Variants in HADHA observed in about 807,000 individuals in gnomAD.
The protein encoded by HADHA is hydroxyacyl-CoA dehydrogenase trifunctional multienzyme complex subunit alpha.
HADHA carries 59 observed loss-of-function variants against 91.3 expected under a neutral mutation model. The ratio of observed to expected loss-of-function variants is 0.65; its 90% CI spans 0.52 to 0.80. The LOEUF (loss-of-function observed/expected upper bound fraction) is 0.80, where lower values mean the gene tolerates loss of function less well. Ranked by LOEUF, HADHA falls within the 30% of genes least tolerant of loss-of-function variation. The pLI is 0.00. For synonymous variants in HADHA, 320 were observed against 338.9 expected (o/e 0.94, Z 0.61); for missense variants, 800 against 927.6 (o/e 0.86, Z 1.79).
chr2:26,232,561 T>C (rs551799867), intron 5 of HADHA, among the ~76,000 whole-genome samples: 1 of 152,312 alleles, frequency 6.6e-6, no homozygotes, highest in African/African-American at 2.4e-5. Flanking sequence ...CAATTTTATA[T>C]GGACCCCAGG....
intron 6 of HADHA, among the ~76,000 whole-genome samples, chr2:26,230,907 G>A (rs1202966169): frequency 6.6e-6 from 1 of 152,012 alleles, no homozygotes; most frequent in Non-Finnish European, 1.5e-5. Flanking sequence ...AACAACAAAA[G>A]TGACTCTGTC....
intron 7 of HADHA, among the ~76,000 whole-genome samples, chr2:26,217,578 G>A (rs1670270275): frequency 6.6e-6 from 1 of 152,100 alleles, no homozygotes; most frequent in South Asian, 2.1e-4. Context: ...CAGAGGAAGG[G>A]AAAGGCACAT....
chr2:26,206,646 A>G (rs956456439), intron 11 of HADHA, among the ~76,000 whole-genome samples: 2 of 152,232 alleles, frequency 1.3e-5, no homozygotes, highest in Non-Finnish European at 2.9e-5. Flanking sequence ...CAAGAACTGC[A>G]TACTGTATAA....
Position 26,238,937 on chromosome 2 carries a change from T to G in HADHA, c.177A>C (p.Ser59=), listed in dbSNP as rs1574627624. The G allele has an allele frequency of 3.1e-6, 5 of 1,592,940 alleles. No individual in the cohort carries two copies. Among genetic ancestry groups the G allele is most frequent in the Non-Finnish European group, 4.3e-6 (5 of 1,162,122 alleles). Residue 59 remains serine (S), a synonymous_variant, in exon 3 of 20, where the codon TCA becomes TCC. Transcript: ENST00000380649. ...AACTGCAAATTAAATGAGATACCTT[T>G]GAATTGGGAGAGTTAATTCGAACAA... is the stretch of plus-strand genomic sequence containing the variant. The part of the protein sequence containing the change: ...VAVVRINSPN[S]KVNTLSKELH...
At chr2:26,197,850 G>T in intron 13 of HADHA, 73 bp from the exon 14 acceptor site, 2 of 806,922 alleles carry the variant, frequency 2.5e-6, no homozygotes. Context: ...CAAAGCTAAT[G>T]AGTGACACCT....
rs753121857 is a variant in HADHA, at chr2:26,195,230, C to A, written c.1482G>T (p.Val494=). 1.9e-6 allele frequency: 3 copies of A among 1,612,800 alleles called. No homozygotes were observed. The highest frequency in any genetic ancestry group is 1.7e-5 in the Admixed American group (1 of 60,000). The change falls in exon 15 of 20, where the codon GTG becomes GTT. Residue 494 remains valine, a splice_region_variant and synonymous_variant. Coordinates refer to ENST00000380649, the MANE Select transcript of HADHA (RefSeq NM_000182.5). ...CGGGAGAGAAGTAGTGCATGCCAAT[C>A]ACCTGGCAAGGGGAACCAAAAGCCA... ...IAAVSKRPEK[V]IGMHYFSPVD... is the part of the protein sequence containing the mutation.
rs753001959 is a variant in HADHA, at chr2:26,209,785, A to C, written c.1080T>G (p.Asp360Glu). 1.7e-5 allele frequency: 26 copies of C among 1,495,116 alleles called. No homozygotes were observed. In the South Asian group the frequency reaches 2.9e-4, roughly 17 times the overall value. 92.6% of individuals were successfully genotyped at this position (1,495,116 alleles called of 1,614,324 possible). Residue 360 changes from aspartate (D) to glutamate (E), a missense_variant, in exon 11 of 20, where the codon GAT (aspartate) becomes GAG (glutamate). Physicochemically the swap from Asp to Glu is conservative, Grantham distance 45. Coordinates refer to ENST00000380649, the MANE Select transcript of HADHA (RefSeq NM_000182.5). ...CTACGTAGAGTTTAACTTACTTAAC[A>C]TCCTTCTGTGGAGCTCCAAATTTAT... ...KKNKFGAPQKDVKHLAILGAG... is the reference protein window; with the variant it reads ...KKNKFGAPQKEVKHLAILGAG...
At chr2:26,207,773 AT>A (rs928002268) in intron 11 of HADHA, among the ~76,000 whole-genome samples, 12 of 152,116 alleles carry the variant, frequency 7.9e-5, no homozygotes, top group African/African-American at 9.6e-5. Context: ...GTAGCTCAGT[AT>A]TTTTTTTCAT....
intron 7 of HADHA, among the ~76,000 whole-genome samples, chr2:26,220,608 C>T (rs775066581): frequency 1.1e-4 from 16 of 152,204 alleles, no homozygotes; most frequent in African/African-American, 3.9e-4. Flanking sequence ...TTCCAGATGT[C>T]GTTTTATTGC....
At chr2:26,196,321 T>C (rs182128966) in intron 14 of HADHA, among the ~76,000 whole-genome samples, 82 of 152,322 alleles carry the variant, frequency 5.4e-4, no homozygotes, top group African/African-American at 1.9e-3. Flanking sequence ...CCTAAAGTGT[T>C]CTTTTACTTA....
intron 12 of HADHA, among the ~76,000 whole-genome samples, chr2:26,201,899 A>G (rs1169852986): frequency 6.6e-6 from 1 of 151,674 alleles, no homozygotes; most frequent in East Asian, 1.9e-4. Flanking sequence ...GGGTTCAAGC[A>G]ATTCTCTGCC....
At chr2:26,194,993 G>A in intron 15 of HADHA, 99 bp downstream of exon 15, 1 of 1,028,048 alleles carries the variant, frequency 9.7e-7, no homozygotes, top group South Asian at 1.3e-5. Flanking sequence ...ATCAAAGTCT[G>A]GTCATTTGCC....
At chr2:26,225,253 G>T (rs936912748) in intron 7 of HADHA, among the ~76,000 whole-genome samples, 1 of 152,102 alleles carries the variant, frequency 6.6e-6, no homozygotes, top group Non-Finnish European at 1.5e-5. Flanking sequence ...GGGAGGCTGA[G>T]GCAGGTAGGT....
At chr2:26,191,666 A>G (rs750040371) in intron 18 of HADHA, 38 bp from the exon 19 acceptor site, 6 of 1,610,106 alleles carry the variant, frequency 3.7e-6, no homozygotes, top group Non-Finnish European at 4.2e-6. Flanking sequence ...GAAGAAGAGG[A>G]AAAGGGGAGG....
intron 13 of HADHA, among the ~76,000 whole-genome samples, chr2:26,198,370 T>G (rs549157540): frequency 8.7e-4 from 5 of 5,726 alleles, no homozygotes; most frequent in Admixed American, 8.1e-3. Flanking sequence ...CTTATTCATG[T>G]TTTTTTTTTG....
Position 26,240,490 on chromosome 2 carries a change from G to A in HADHA, c.68-1347C>T, listed in dbSNP as rs114342899. On this transcript the variant is annotated intron_variant, in intron 1 of 19. Coordinates refer to ENST00000380649, the MANE Select transcript of HADHA (RefSeq NM_000182.5). ...AATTCCAGTGGGAAGGGAAGAAGGGGATAGGTAATTCTAGCAAAACAGGGT... is the reference window on the plus strand; with the variant it reads ...AATTCCAGTGGGAAGGGAAGAAGGGAATAGGTAATTCTAGCAAAACAGGGT... Among the ~76,000 whole-genome samples, 523 of 152,236 alleles carry A rather than the reference G, an allele frequency of 3.4e-3. 2 individuals carry two copies. The highest frequency in any genetic ancestry group is 5.7e-3 in the Non-Finnish European group (391 of 68,012).
chr2:26,232,252 C>T lies in HADHA; in HGVS notation c.481G>A (p.Ala161Thr), dbSNP rs2147781253. Residue 161 changes from alanine to threonine, a missense_variant, in exon 6 of 20, where the codon GCA (alanine) becomes ACA (threonine). By Grantham distance (58) the Ala-to-Thr change is moderately conservative. Transcript: ENST00000380649. The stretch of plus-strand genomic sequence containing the variant: ...AATACTGTTTTTCTGTCTTTTGTTG[C>T]TATTCTGTATTGGCATGAAATGGCA... ...EVAISCQYRI[A>T]TKDRKTVLGT... 1.2e-6 allele frequency: 2 copies of T among 1,602,434 alleles called. No homozygotes were observed. Among genetic ancestry groups the T allele is most frequent in the East Asian group, 2.2e-5 (1 of 44,806 alleles).
In HADHA at chr2:26,214,949, G is replaced by T; in HGVS notation, c.799+104C>A. 9.5e-7 allele frequency: 1 copy of T among 1,055,452 alleles called. No homozygotes were observed. Among genetic ancestry groups the T allele is most frequent in the Non-Finnish European group, 1.5e-6 (1 of 677,436 alleles). The allele number at this position is 1,055,452 out of a possible 1,614,324, so 65.4% of individuals were successfully genotyped here. On this transcript the variant is annotated intron_variant, in intron 8 of 19. Coordinates refer to ENST00000380649, the MANE Select transcript of HADHA (RefSeq NM_000182.5). This position sits in a 1 kb window ranked among gnomAD's most constrained non-coding sequence, Gnocchi z 4.1. ...CTACCTAAGGCTGACTTTATGCTTT[G>T]AGTAAATAATGCATTTACCACTTCC... is the stretch of plus-strand genomic sequence containing the variant.
chr2:26,222,522 T>C (rs1670397608), intron 7 of HADHA, among the ~76,000 whole-genome samples: 1 of 152,174 alleles, frequency 6.6e-6, no homozygotes, highest in African/African-American at 2.4e-5. Context: ...GGATGACTCG[T>C]TCTATGGATA....
Sources: gnomAD v4.1 joint callset for allele counts (sites outside exome capture counted in the v4.1 genomes callset) on GRCh38, gnomAD v4.1.1 for gene constraint, Gnocchi (gnomAD v3.1) non-coding constraint, MANE v1.5 for transcripts, NCBI Gene and HGNC (gene_info 2026-07-23, HGNC 2026-07-21) for gene names.